RO60: variants seen among roughly 807,000 people sequenced by gnomAD.
RO60 encodes the protein RNA-binding protein RO60.
Under a neutral mutation model 55.3 loss-of-function variants are expected in RO60, and 20 were observed. The ratio of observed to expected loss-of-function variants is 0.36; its 90% CI spans 0.25 to 0.53. RO60 has a LOEUF of 0.53. Among genes scored for constraint, RO60 ranks in the 20% least tolerant of loss-of-function variants. The pLI, the probability that RO60 is intolerant of heterozygous loss-of-function variation, is 0.92. For synonymous variants in RO60, 213 were observed against 213.6 expected (o/e 1.00, Z 0.02); for missense variants, 558 against 646.6 (o/e 0.86, Z 1.49).
At chr1:193,077,279 A>G (rs1443988813) in intron 5 of RO60, among the ~76,000 whole-genome samples, 1 of 152,176 alleles carries the variant, frequency 6.6e-6, no homozygotes, top group Non-Finnish European at 1.5e-5. Flanking sequence ...TCATTTTGGT[A>G]ACTTTTAAGT....
chr1:193,081,114 C>T (rs901638360), intron 5 of RO60, among the ~76,000 whole-genome samples: 1 of 151,938 alleles, frequency 6.6e-6, no homozygotes, highest in Admixed American at 6.6e-5. Context: ...ACTTATTTAA[C>T]TAAAATTATT....
At chr1:193,065,810 T>G (rs890743359) in intron 1 of RO60, among the ~76,000 whole-genome samples, 2 of 152,220 alleles carry the variant, frequency 1.3e-5, no homozygotes, top group African/African-American at 2.4e-5. Context: ...ACCTGAGACC[T>G]AGGCTTCCAC....
At position 193,061,424 on chromosome 1, in the gene RO60, C is replaced by A. The variant is rs528898280; in HGVS notation, c.-22+1648C>A. On this transcript the variant is annotated intron_variant, in intron 1 of 8. Coordinates refer to ENST00000400968, the MANE Select transcript of RO60 (RefSeq NM_001173524.2). ...AATAATCTGCAAATGTGTTTGACTT[C>A]TTGAGATGAAAGGCAGCATTTTCAA... Among the ~76,000 whole-genome samples, 33 of 152,230 alleles carry A rather than the reference C, an allele frequency of 2.2e-4. 1 individual carries two copies. Among genetic ancestry groups the A allele is most frequent in the African/African-American group, 7.7e-4 (32 of 41,532 alleles).
In RO60 at chr1:193,082,633, C is replaced by T. The variant is rs1161506531; in HGVS notation, c.1389C>T (p.Val463=). The change falls in exon 8 of 9, where the codon GTC becomes GTT. Residue 463 remains valine (V), a synonymous_variant. Coordinates refer to ENST00000400968, the MANE Select transcript of RO60 (RefSeq NM_001173524.2). ...AGAAGACAAACACACCTGCTGATGT[C>T]TTCATTGTATTCACTGATAATGAGA... The part of the protein sequence containing the change: ...WAQKTNTPAD[V]FIVFTDNETF... The T allele has an allele frequency of 1.2e-6, 2 of 1,613,916 alleles. No homozygotes were observed. Among genetic ancestry groups the T allele is most frequent in the African/African-American group, 1.3e-5 (1 of 75,002 alleles).
At chr1:193,070,586 G>A in intron 2 of RO60, 1 of 449,992 alleles carries the variant, frequency 2.2e-6, no homozygotes, top group Non-Finnish European at 4.5e-6. Flanking sequence ...TCAGAAGGGT[G>A]GGTTCACATT....
chr1:193,085,806 G>C lies in RO60; in HGVS notation c.*1075G>C, dbSNP rs1178443337. 1.0e-6 allele frequency: 1 copy of C among 984,816 alleles called. No homozygotes were observed. The highest frequency in any genetic ancestry group is 1.2e-6 in the Non-Finnish European group (1 of 829,600). The allele number at this position is 984,816 out of a possible 1,614,324, so 61.0% of individuals were successfully genotyped here. On this transcript the variant is annotated 3_prime_UTR_variant, in exon 9 of 9. Coordinates refer to ENST00000400968, the MANE Select transcript of RO60 (RefSeq NM_001173524.2). ...TGTAAACAAATAATAAAGCAATCTA[G>C]GTCCTTTAGGTTTGAAAGGCAATTT...
intron 1 of RO60, among the ~76,000 whole-genome samples, chr1:193,061,177 C>T (rs918305101): frequency 1.3e-5 from 2 of 152,192 alleles, no homozygotes; most frequent in South Asian, 2.1e-4. Flanking sequence ...TAGTTCCATA[C>T]CACGTGGCAA....
At chr1:193,078,927 A>T (rs997249058) in intron 5 of RO60, among the ~76,000 whole-genome samples, 1 of 152,112 alleles carries the variant, frequency 6.6e-6, no homozygotes, top group Non-Finnish European at 1.5e-5. Flanking sequence ...AACAATCTTT[A>T]AAAAAAGAAC....
chr1:193,070,537 T>C, intron 2 of RO60: 1 of 429,698 alleles, frequency 2.3e-6, no homozygotes, highest in Non-Finnish European at 4.7e-6. Context: ...ACTTTTTTTT[T>C]TTTTTTGCAC....
chr1:193,059,837 T>A lies in RO60; in HGVS notation c.-22+61T>A, dbSNP rs1359665320. On this transcript the variant is annotated intron_variant, in intron 1 of 8. Coordinates refer to ENST00000400968, the MANE Select transcript of RO60 (RefSeq NM_001173524.2). This position sits in a 1 kb window ranked among gnomAD's most constrained non-coding sequence, Gnocchi z 4.9. ...TGTGCGGCCCCAGGGACGCGCAAATTCTGACCAGTCCTCCATGTCTCTCAC... is the reference window on the plus strand; with the variant it reads ...TGTGCGGCCCCAGGGACGCGCAAATACTGACCAGTCCTCCATGTCTCTCAC... 1.5e-6 allele frequency: 2 copies of A among 1,360,970 alleles called. No individual in the cohort carries two copies. The highest frequency in any genetic ancestry group is 3.9e-5 in the Admixed American group (2 of 51,734). 84.3% of individuals were successfully genotyped at this position (1,360,970 alleles called of 1,614,324 possible). A position where few individuals can be genotyped will look rare whatever the true frequency, so the allele number is the denominator to read the frequency against.
chr1:193,066,342 A>G (rs948885410), intron 1 of RO60, among the ~76,000 whole-genome samples: 4 of 152,172 alleles, frequency 2.6e-5, no homozygotes, highest in African/African-American at 7.2e-5. Flanking sequence ...TTCATAGTTT[A>G]TAAGTATGTG....
rs1164609956 is a variant in RO60, at chr1:193,067,378, C to T, written c.-21-1656C>T. ...TAATTTTTTGTATTTTTAGTAGAGACGGGGTTTCACCATTTTAGTCAGAAT... is the reference window on the plus strand; with the variant it reads ...TAATTTTTTGTATTTTTAGTAGAGATGGGGTTTCACCATTTTAGTCAGAAT... On this transcript the variant is annotated intron_variant, in intron 1 of 8. Coordinates refer to ENST00000400968, the MANE Select transcript of RO60 (RefSeq NM_001173524.2). Among the ~76,000 whole-genome samples, 4 of 151,714 alleles carry T rather than the reference C, an allele frequency of 2.6e-5. 1 individual carries two copies. Among genetic ancestry groups the T allele is most frequent in the South Asian group, 2.1e-4 (1 of 4,818 alleles).
Position 193,076,639 on chromosome 1 carries a change from T to A in RO60, c.940T>A (p.Leu314Ile). 2 of 1,598,122 alleles carry A rather than the reference T, an allele frequency of 1.3e-6. No homozygotes were observed. The highest frequency in any genetic ancestry group is 1.8e-5 in the Admixed American group (1 of 55,752). Residue 314 changes from leucine (L) to isoleucine (I), a missense_variant, in exon 4 of 9, where the codon TTA (leucine) becomes ATA (isoleucine). Transcript: ENST00000400968. ...TGAAAAACTGTGTAATGAAAAACTATTAAAAAAGGTAAGCATTATCATTGT... is the reference window on the plus strand; with the variant it reads ...TGAAAAACTGTGTAATGAAAAACTAATAAAAAAGGTAAGCATTATCATTGT... ...VCEKLCNEKL[L>I]KKARIHPFHI...
rs750689890 is a variant in RO60 at position 193,089,526 on chromosome 1, G to A, written c.*4795G>A. On this transcript the variant is annotated 3_prime_UTR_variant, in exon 9 of 9. Transcript: ENST00000400968. ...AACTAATAATGTAGTTAAGCATACT[G>A]TTTGAATAAAATTATAATAAATGGC... 1.3e-5 allele frequency: 2 copies of A among 151,924 alleles called. No individual in the cohort carries two copies. The highest frequency in any genetic ancestry group is 2.9e-5 in the Non-Finnish European group (2 of 67,994). The allele number at this position is 151,924 out of a possible 1,614,324, so 9.4% of individuals were successfully genotyped here.
rs762160317 is a variant in RO60, at chr1:193,059,665, G to C, written c.-133G>C. ...CCCCGGCGGCAGTGGGGCTGTTGCT[G>C]TTGCTGTGGCTGTCGCTGCCCGTCA... On this transcript the variant is annotated 5_prime_UTR_variant, in exon 1 of 9. Coordinates refer to ENST00000400968, the MANE Select transcript of RO60 (RefSeq NM_001173524.2). This position sits in a 1 kb window ranked among gnomAD's most constrained non-coding sequence, Gnocchi z 4.9. The C allele has an allele frequency of 2.2e-6, 3 of 1,376,660 alleles. No individual in the cohort carries two copies. The South Asian group carries it at 3.5e-5, about 16-fold the overall frequency. The allele number at this position is 1,376,660 out of a possible 1,614,324, so 85.3% of individuals were successfully genotyped here.
At chr1:193,081,666 G>A (rs1674321702) in intron 6 of RO60, among the ~76,000 whole-genome samples, 186 bp downstream of exon 6, 1 of 151,974 alleles carries the variant, frequency 6.6e-6, no homozygotes, top group Non-Finnish European at 1.5e-5. Flanking sequence ...GAAAAAGTAT[G>A]TCTAAAGAAC....
Position 193,084,952 on chromosome 1 carries a change from A to G in RO60, c.*221A>G. On this transcript the variant is annotated 3_prime_UTR_variant, in exon 9 of 9. Transcript: ENST00000400968. ...TGGGGAAATAGCTTCAGGATACTGT[A>G]GTTTCCTCTATCTAATAGAGAACTT... 6.5e-7 allele frequency: 1 copy of G among 1,537,614 alleles called. No homozygotes were observed. The highest frequency in any genetic ancestry group is 8.7e-7 in the Non-Finnish European group (1 of 1,143,278).
intron 2 of RO60, among the ~76,000 whole-genome samples, chr1:193,073,719 A>C (rs1673680742): frequency 6.6e-6 from 1 of 152,162 alleles, no homozygotes; most frequent in Non-Finnish European, 1.5e-5. Flanking sequence ...TATTACAGGC[A>C]TGTGCCACCA....
intron 2 of RO60, among the ~76,000 whole-genome samples, chr1:193,073,856 T>TA (rs1673694319): frequency 6.6e-6 from 1 of 151,844 alleles, no homozygotes; most frequent in African/African-American, 2.4e-5. Context: ...CATTTAACGT[T>TA]ACGTATATCT....
Sources: gnomAD v4.1 joint callset for allele counts (sites outside exome capture counted in the v4.1 genomes callset) on GRCh38, gnomAD v4.1.1 for gene constraint, Gnocchi (gnomAD v3.1) non-coding constraint, MANE v1.5 for transcripts, NCBI Gene and HGNC (gene_info 2026-07-23, HGNC 2026-07-21) for gene names.